Variants in ADAMTS2 observed in about 807,000 individuals in gnomAD.
The protein encoded by ADAMTS2 is A disintegrin and metalloproteinase with thrombospondin motifs 2.
Under a neutral mutation model 123.0 loss-of-function variants are expected in ADAMTS2, and 50 were observed. That is an observed-to-expected ratio of 0.41 (90% CI 0.32 to 0.51). The LOEUF is 0.51. Ranked by LOEUF, ADAMTS2 falls within the 20% of genes least tolerant of loss-of-function variation. The pLI, the probability that ADAMTS2 is intolerant of heterozygous loss-of-function variation, is 0.35. For missense variants in ADAMTS2, 1,494 were observed against 1,705.2 expected, an observed-to-expected ratio of 0.88 and a Z score of 2.18; for synonymous variants, 678 against 695.4, an observed-to-expected ratio of 0.98 and a Z score of 0.39.
chr5:179,135,389 G>A (rs1425752479), intron 13 of ADAMTS2, among the ~76,000 whole-genome samples: 2 of 152,174 alleles, frequency 1.3e-5, no homozygotes, highest in Non-Finnish European at 1.5e-5. Flanking sequence ...GTCACATGGC[G>A]AGGTGACACG....
intron 2 of ADAMTS2, among the ~76,000 whole-genome samples, chr5:179,278,165 CCCCCCCG>C (rs1561677337): frequency 1.0e-5 from 1 of 95,464 alleles, no homozygotes. Flanking sequence ...CAAAGGCTGA[CCCCCCCG>C]AGACCAAAGG....
chr5:179,283,970 AT>A (rs1171897717), intron 2 of ADAMTS2, among the ~76,000 whole-genome samples: 1 of 99,502 alleles, frequency 1.0e-5, no homozygotes, highest in Non-Finnish European at 2.0e-5. Flanking sequence ...TATTATTATT[AT>A]TATTATTATT....
Position 179,262,867 on chromosome 5 carries a change from A to G in ADAMTS2, c.688+10044T>C, listed in dbSNP as rs1561652295. On this transcript the variant is annotated intron_variant, in intron 3 of 21. Transcript: ENST00000251582. This position sits in a 1 kb window ranked among gnomAD's most constrained non-coding sequence, Gnocchi z 5.9. ...CCCAGCACCCAGTCCTGTCAGACAC[A>G]TGGTGGACACATAGCAAGAACGTGA... 6.6e-6 allele frequency among the ~76,000 whole-genome samples: 1 copy of G among 152,258 alleles called. No homozygotes were observed. The highest frequency in any genetic ancestry group is 2.1e-4 in the South Asian group (1 of 4,836).
intron 3 of ADAMTS2, among the ~76,000 whole-genome samples, chr5:179,251,622 G>C (rs1765928094): frequency 2.6e-5 from 4 of 152,320 alleles, no homozygotes; most frequent in Non-Finnish European, 4.4e-5. Flanking sequence ...TTGGAAAACA[G>C]TCTTGGTGTT....
rs180911957 is a variant in ADAMTS2 at position 179,185,261 on chromosome 5, G to C, written c.892-4106C>G. Among the ~76,000 whole-genome samples, 5 of 152,346 alleles carry C rather than the reference G, an allele frequency of 3.3e-5. No individual in the cohort carries two copies. The East Asian group carries it at 9.7e-4, about 29-fold the overall frequency. On this transcript the variant is annotated intron_variant, in intron 4 of 21. Coordinates refer to ENST00000251582, the MANE Select transcript of ADAMTS2 (RefSeq NM_014244.5). This position sits in a 1 kb window ranked among gnomAD's most constrained non-coding sequence, Gnocchi z 5.9. ...CCAGGTGCCTTACGGAAAGTAGATGGAAGGGGTCAAGATGTGGGAATGTGG... is the reference window on the plus strand; with the variant it reads ...CCAGGTGCCTTACGGAAAGTAGATGCAAGGGGTCAAGATGTGGGAATGTGG...
At chr5:179,163,351 T>C (rs1763635771) in intron 5 of ADAMTS2, among the ~76,000 whole-genome samples, 1 of 152,182 alleles carries the variant, frequency 6.6e-6, no homozygotes, top group Non-Finnish European at 1.5e-5. Flanking sequence ...TGGCGAGGAC[T>C]GTGGCAAACC....
At chr5:179,277,136 C>T (rs1222358594) in intron 2 of ADAMTS2, among the ~76,000 whole-genome samples, 2 of 152,168 alleles carry the variant, frequency 1.3e-5, no homozygotes, top group African/African-American at 4.8e-5. Context: ...TGGGGTCCAT[C>T]TGAAGCAGGG....
intron 2 of ADAMTS2, among the ~76,000 whole-genome samples, chr5:179,339,911 A>G (rs28549): frequency 0.61 from 93,216 of 152,078 alleles, 28,715 homozygotes; most frequent in East Asian, 0.77. Context: ...AACTCATCTC[A>G]ATCCCTTAGG....
intron 18 of ADAMTS2, among the ~76,000 whole-genome samples, chr5:179,125,681 C>T (rs975935973): frequency 6.6e-6 from 1 of 152,244 alleles, no homozygotes; most frequent in African/African-American, 2.4e-5. Context: ...AGGGCCTGAA[C>T]GTCAAAGCCA....
At chr5:179,148,310 C>T (rs1763288983) in intron 10 of ADAMTS2, among the ~76,000 whole-genome samples, 1 of 152,170 alleles carries the variant, frequency 6.6e-6, no homozygotes, top group African/African-American at 2.4e-5. Context: ...TCGTTTATTC[C>T]TCAAGCTGTG....
intron 19 of ADAMTS2, 39 bp downstream of exon 19, chr5:179,124,934 G>C (rs369213385): frequency 7.5e-6 from 12 of 1,600,464 alleles, no homozygotes; most frequent in Non-Finnish European, 1.0e-5. Context: ...TCCACCCTCA[G>C]TTTTGGAGCT....
intron 2 of ADAMTS2, among the ~76,000 whole-genome samples, chr5:179,336,901 G>A (rs1757628461): frequency 6.6e-6 from 1 of 152,194 alleles, no homozygotes; most frequent in African/African-American, 2.4e-5. Context: ...GGTGGGGATG[G>A]CGTAGAGCCT....
chr5:179,261,399 C>T lies in ADAMTS2; in HGVS notation c.688+11512G>A, dbSNP rs114214203. Among the ~76,000 whole-genome samples, 1,262 of 152,312 alleles carry T rather than the reference C, an allele frequency of 8.3e-3. 11 individuals are homozygous for T. The highest frequency in any genetic ancestry group is 0.022 in the African/African-American group (932 of 41,568). ...TGTGGGAGCCAGTCTGGCTCTGCCC[C>T]GAGTGGTGAGTCTGTTAAGCGCTGG... is the stretch of plus-strand genomic sequence containing the variant. On this transcript the variant is annotated intron_variant, in intron 3 of 21. Coordinates refer to ENST00000251582, the MANE Select transcript of ADAMTS2 (RefSeq NM_014244.5).
At chr5:179,315,156 C>T (rs1176128295) in intron 2 of ADAMTS2, among the ~76,000 whole-genome samples, 2 of 132,914 alleles carry the variant, frequency 1.5e-5, no homozygotes, top group African/African-American at 5.6e-5. Context: ...TCAGACCCTC[C>T]CACCTAACAC....
At chr5:179,194,464 C>T (rs1444499951) in intron 4 of ADAMTS2, among the ~76,000 whole-genome samples, 1 of 152,198 alleles carries the variant, frequency 6.6e-6, no homozygotes, top group East Asian at 1.9e-4. Flanking sequence ...TAGATCTATG[C>T]AGAAGCCAAG....
chr5:179,198,154 G>A (rs942470274), intron 4 of ADAMTS2, among the ~76,000 whole-genome samples: 7 of 152,148 alleles, frequency 4.6e-5, no homozygotes, highest in Non-Finnish European at 1.0e-4. Context: ...GCGGGGGGCG[G>A]GCCTGGGCAG....
rs184168625 is a variant in ADAMTS2, at chr5:179,180,475, G to T, written c.975+597C>A. On this transcript the variant is annotated intron_variant, in intron 5 of 21. Transcript: ENST00000251582. The surrounding 1 kb of genome is among the most constrained non-coding windows in gnomAD (Gnocchi z 4.6). ...GAGCCTTGCTGACTCTGGAGGGACT[G>T]CCCCGCTAAGTGGTAACCAATCTTT... Among the ~76,000 whole-genome samples the T allele has an allele frequency of 6.6e-6, 1 of 152,318 alleles. No homozygotes were observed. Among genetic ancestry groups the T allele is most frequent in the African/African-American group, 2.4e-5 (1 of 41,550 alleles).
intron 10 of ADAMTS2, among the ~76,000 whole-genome samples, chr5:179,148,726 T>C (rs1302718668): frequency 1.3e-5 from 2 of 152,176 alleles, no homozygotes; most frequent in African/African-American, 4.8e-5. Flanking sequence ...CTCCCCTTCC[T>C]TCCTAGCAAA....
chr5:179,298,085 G>C (rs1308493147), intron 2 of ADAMTS2, among the ~76,000 whole-genome samples: 1 of 152,142 alleles, frequency 6.6e-6, no homozygotes, highest in African/African-American at 2.4e-5. Flanking sequence ...CCAGAGGCCA[G>C]GGTCCCCTCG....
Sources: gnomAD v4.1 joint callset for allele counts (sites outside exome capture counted in the v4.1 genomes callset) on GRCh38, gnomAD v4.1.1 for gene constraint, Gnocchi (gnomAD v3.1) non-coding constraint, MANE v1.5 for transcripts, NCBI Gene and HGNC (gene_info 2026-07-23, HGNC 2026-07-21) for gene names.